LCORL: variants seen among roughly 807,000 people sequenced by gnomAD.
LCORL encodes the protein ligand-dependent nuclear receptor corepressor-like protein.
Under a neutral mutation model 141.8 loss-of-function variants are expected in LCORL, and 41 were observed. That is an observed-to-expected ratio of 0.29 (90% CI 0.23 to 0.38). LCORL has a LOEUF of 0.38. LCORL is among the 10% of genes least tolerant of loss of function. LCORL has a pLI of 1.00. For synonymous variants in LCORL, 618 were observed against 694.1 expected, an observed-to-expected ratio of 0.89 and a Z score of 1.72; for missense variants, 1,759 against 2,035.0, an observed-to-expected ratio of 0.86 and a Z score of 2.61.
Position 17,883,084 on chromosome 4 carries a change from T to C in LCORL, c.776+2984A>G, listed in dbSNP as rs1727790357. 3.1e-6 allele frequency: 3 copies of C among 970,232 alleles called. No individual in the cohort carries two copies. The African/African-American group carries it at 5.3e-5, about 17-fold the overall frequency. The allele number at this position is 970,232 out of a possible 1,614,324, so 60.1% of individuals were successfully genotyped here. On this transcript the variant is annotated intron_variant, in intron 6 of 7. Transcript: ENST00000635767. ...CCCAACTTCTTGCTAAATCAACTAT[T>C]AAATGATAAATATTAAATTTCATTA...
intron 7 of LCORL, among the ~76,000 whole-genome samples, chr4:17,863,463 G>A (rs778645125): frequency 3.3e-5 from 5 of 152,182 alleles, no homozygotes; most frequent in African/African-American, 1.2e-4. Context: ...TTATTAGTCA[G>A]AATGGCTATT....
At chr4:17,957,972 C>T (rs1009391491) in intron 4 of LCORL, among the ~76,000 whole-genome samples, 1 of 151,920 alleles carries the variant, frequency 6.6e-6, no homozygotes, top group Admixed American at 6.6e-5. Context: ...AAAAGATTAA[C>T]ACTACCTGTT....
At chr4:17,963,908 A>T (rs1479384937) in intron 2 of LCORL, among the ~76,000 whole-genome samples, 1 of 152,096 alleles carries the variant, frequency 6.6e-6, no homozygotes, top group Non-Finnish European at 1.5e-5. Flanking sequence ...CTGATTTGAA[A>T]AACACTGGTC....
Position 17,896,739 on chromosome 4 carries a change from T to C in LCORL, c.683-10578A>G, listed in dbSNP as rs567828148. Among the ~76,000 whole-genome samples the C allele has an allele frequency of 4.4e-4, 67 of 152,314 alleles. 1 individual carries two copies. The South Asian group carries it at 7.3e-3, about 17-fold the overall frequency. ...CTTTGTGTTGCAAACAATATAATTATACTCAGTTATTTTAAAATGTACAAT... is the reference window on the plus strand; with the variant it reads ...CTTTGTGTTGCAAACAATATAATTACACTCAGTTATTTTAAAATGTACAAT... On this transcript the variant is annotated intron_variant, in intron 5 of 7. Transcript: ENST00000635767.
intron 1 of LCORL, among the ~76,000 whole-genome samples, chr4:17,978,147 T>C (rs1717322351): frequency 6.6e-6 from 1 of 152,200 alleles, no homozygotes; most frequent in Non-Finnish European, 1.5e-5. Flanking sequence ...TTCTCCCAAT[T>C]ACGAATCGTA....
chr4:17,927,882 C>T (rs528520834), intron 4 of LCORL, among the ~76,000 whole-genome samples: 17 of 152,226 alleles, frequency 1.1e-4, no homozygotes, highest in Middle Eastern at 6.8e-3. Flanking sequence ...AGGAAAACGG[C>T]GCAAACAGAC....
chr4:17,916,727 C>A (rs1436270762), intron 4 of LCORL, among the ~76,000 whole-genome samples: 4 of 150,762 alleles, frequency 2.7e-5, no homozygotes, highest in African/African-American at 9.8e-5. Flanking sequence ...TCACTGCAAC[C>A]TCCACCTCCC....
At chr4:17,892,017 T>G (rs2109252851) in intron 5 of LCORL, among the ~76,000 whole-genome samples, 1 of 152,242 alleles carries the variant, frequency 6.6e-6, no homozygotes, top group East Asian at 1.9e-4. Flanking sequence ...TTCCCTGGGT[T>G]TATCCAAATT....
chr4:17,929,470 T>C (rs1054647274), intron 4 of LCORL, among the ~76,000 whole-genome samples: 1 of 152,174 alleles, frequency 6.6e-6, no homozygotes, highest in Admixed American at 6.5e-5. Flanking sequence ...CGCACTCATA[T>C]ACAGTTAATT....
At chr4:17,848,066 T>TA (rs1723145858) in intron 7 of LCORL, among the ~76,000 whole-genome samples, 1 of 152,192 alleles carries the variant, frequency 6.6e-6, no homozygotes, top group African/African-American at 2.4e-5. Flanking sequence ...TTCAAAAACA[T>TA]ACGGCGGTTT....
chr4:17,905,812 T>C (rs1560319394), intron 5 of LCORL, among the ~76,000 whole-genome samples: 2 of 152,006 alleles, frequency 1.3e-5, no homozygotes, highest in Non-Finnish European at 2.9e-5. Context: ...GTGAGAATAA[T>C]ATGAAAAATG....
At chr4:17,858,221 A>T (rs1724582664) in intron 7 of LCORL, among the ~76,000 whole-genome samples, 1 of 152,212 alleles carries the variant, frequency 6.6e-6, no homozygotes, top group African/African-American at 2.4e-5. Context: ...GAAATAAAAA[A>T]TATCCTAGAT....
At chr4:18,015,982 A>G (rs1357130230) in intron 1 of LCORL, among the ~76,000 whole-genome samples, 1 of 151,996 alleles carries the variant, frequency 6.6e-6, no homozygotes, top group African/African-American at 2.4e-5. Flanking sequence ...GATTAGACTA[A>G]GTGATACCCT....
intron 4 of LCORL, among the ~76,000 whole-genome samples, chr4:17,935,018 A>T (rs528647915): frequency 6.6e-6 from 1 of 152,194 alleles, no homozygotes; most frequent in Non-Finnish European, 1.5e-5. Flanking sequence ...ATGTAGTTTC[A>T]TAGAGAACAA....
At chr4:17,871,869 A>T (rs183522578) in intron 7 of LCORL, among the ~76,000 whole-genome samples, 174 of 152,116 alleles carry the variant, frequency 1.1e-3, no homozygotes, top group African/African-American at 3.9e-3. Context: ...GCCAACCTTT[A>T]AAATTTTAAT....
chr4:17,881,219 T>C, intron 6 of LCORL: 12 of 982,658 alleles, frequency 1.2e-5, no homozygotes, highest in Non-Finnish European at 1.4e-5. Flanking sequence ...CACATAAGGG[T>C]TGCTTTCACC....
chr4:17,928,080 T>C (rs1423252109), intron 4 of LCORL, among the ~76,000 whole-genome samples: 1 of 152,182 alleles, frequency 6.6e-6, no homozygotes, highest in African/African-American at 2.4e-5. Flanking sequence ...AGGATTTATG[T>C]CAAGAATTCC....
intron 7 of LCORL, among the ~76,000 whole-genome samples, chr4:17,853,296 T>C (rs1273190855): frequency 2.6e-5 from 4 of 152,100 alleles, no homozygotes; most frequent in Non-Finnish European, 1.5e-5. Flanking sequence ...AGTGGACAAG[T>C]GTATGGTTTA....
At chr4:17,877,651 CTATAGGTGA>C in exon 7 of LCORL, 1 of 1,230,418 alleles carries the variant, frequency 8.1e-7, no homozygotes, top group Non-Finnish European at 1.0e-6. Context: ...CCTTCAGTTT[CTATAGGTGA>C]TAATGGTGGG....
Sources: allele counts gnomAD v4.1 joint callset (sites outside exome capture counted in the v4.1 genomes callset), GRCh38; gene constraint gnomAD v4.1.1; transcripts MANE v1.5; gene names NCBI Gene and HGNC (gene_info 2026-07-23, HGNC 2026-07-21).